Variants in MYZAP observed in about 807,000 individuals in gnomAD.
MYZAP encodes GRINL1A complex locus upstream.
Under a neutral mutation model 69.4 loss-of-function variants are expected in MYZAP, and 66 were observed. The observed-to-expected ratio is 0.95, with a 90% confidence interval of 0.78 to 1.17. MYZAP has a LOEUF of 1.17. Ranked by LOEUF, MYZAP falls within the 50% of genes most tolerant of loss-of-function variation. MYZAP has a pLI of 0.00. For synonymous variants in MYZAP, 256 were observed against 205.9 expected (o/e 1.24, Z -2.09); for missense variants, 611 against 556.2 (o/e 1.10, Z -0.99).
chr15:57,594,500 T>C (rs1335768019), intron 1 of MYZAP, among the ~76,000 whole-genome samples: 1 of 152,144 alleles, frequency 6.6e-6, no homozygotes, highest in Non-Finnish European at 1.5e-5. Context: ...AAGGAGGAAA[T>C]AACCATCTCA....
In MYZAP at chr15:57,618,037, T is replaced by C. The variant is rs1198795018; in HGVS notation, c.167T>C (p.Leu56Pro). The C allele has an allele frequency of 6.2e-6, 10 of 1,611,398 alleles. No homozygotes were observed. Among genetic ancestry groups the C allele is most frequent in the Non-Finnish European group, 8.5e-6 (10 of 1,179,470 alleles). The change falls in exon 3 of 13, where the codon CTT (leucine) becomes CCT (proline). Residue 56 changes from leucine to proline, a missense_variant. By Grantham distance (98) the Leu-to-Pro change is moderately conservative (BLOSUM62 -3). Transcript: ENST00000267853. Reference sequence around the variant, plus strand: ...TCTTTTCCTACTTTCTTTTAGCTTCTTGACCTGAGCAATGGAGAACCTACC... The same window carrying C: ...TCTTTTCCTACTTTCTTTTAGCTTCCTGACCTGAGCAATGGAGAACCTACC... ...EKKIERKEQL[L>P]DLSNGEPTRK...
intron 2 of MYZAP, among the ~76,000 whole-genome samples, chr15:57,613,988 A>T (rs1367860775): frequency 6.6e-6 from 1 of 152,214 alleles, no homozygotes; most frequent in Non-Finnish European, 1.5e-5. Context: ...TCAACATATC[A>T]GCTTTTTTCT....
intron 2 of MYZAP, among the ~76,000 whole-genome samples, chr15:57,616,965 C>T (rs1033669384): frequency 6.6e-6 from 1 of 151,398 alleles, no homozygotes; most frequent in Non-Finnish European, 1.5e-5. Context: ...CCTGGGTCAG[C>T]CCTAGGGAAA....
intron 3 of MYZAP, among the ~76,000 whole-genome samples, chr15:57,620,285 T>G (rs1401747016): frequency 6.6e-6 from 1 of 152,210 alleles, no homozygotes; most frequent in Non-Finnish European, 1.5e-5. Flanking sequence ...ATAAACATGC[T>G]GTCTATTTTA....
chr15:57,593,214 A>ACACACACACACACCC (rs1172761785), intron 1 of MYZAP, among the ~76,000 whole-genome samples: 3 of 141,436 alleles, frequency 2.1e-5, no homozygotes, highest in African/African-American at 8.4e-5. Flanking sequence ...ACACACACAC[A>ACACACACACACACCC]CCCCAGAATC....
Position 57,611,228 on chromosome 15 carries a change from A to G in MYZAP, c.163-6805A>G, listed in dbSNP as rs536458146. ...CCTGAAGCTCTTTAAAGTACAGAAA[A>G]TAACTTTCTTAGGGGCACACAGCTA... On this transcript the variant is annotated intron_variant, in intron 2 of 12. Transcript: ENST00000267853. 3.9e-5 allele frequency among the ~76,000 whole-genome samples: 6 copies of G among 152,272 alleles called. No individual in the cohort carries two copies. The East Asian group carries it at 9.7e-4, about 25-fold the overall frequency.
At chr15:57,615,858 G>C (rs2140372609) in intron 2 of MYZAP, among the ~76,000 whole-genome samples, 1 of 152,286 alleles carries the variant, frequency 6.6e-6, no homozygotes, top group African/African-American at 2.4e-5. Flanking sequence ...AGGAATCACA[G>C]CTTCTTGCAT....
At chr15:57,603,250 TCTC>T (rs1219403879) in intron 1 of MYZAP, among the ~76,000 whole-genome samples, 2 of 152,154 alleles carry the variant, frequency 1.3e-5, no homozygotes, top group Non-Finnish European at 2.9e-5. Context: ...TATATTTTCT[TCTC>T]CTAAGCCTTT....
At chr15:57,657,299 T>C (rs1457463111) in intron 10 of MYZAP, among the ~76,000 whole-genome samples, 5 of 152,184 alleles carry the variant, frequency 3.3e-5, no homozygotes, top group African/African-American at 1.2e-4. Context: ...TTAAAGATTT[T>C]AAAAGTTAAC....
intron 10 of MYZAP, chr15:57,647,405 G>A (rs2037497205): frequency 1.0e-6 from 1 of 985,206 alleles, no homozygotes; most frequent in African/African-American, 1.7e-5. Flanking sequence ...CTGTTTTTTA[G>A]GGACGCCTTT....
At chr15:57,663,679 G>C (rs1181684717) in intron 11 of MYZAP, among the ~76,000 whole-genome samples, 1 of 152,222 alleles carries the variant, frequency 6.6e-6, no homozygotes, top group Non-Finnish European at 1.5e-5. Context: ...GGCAGAGCCA[G>C]TTAGACTCTG....
intron 5 of MYZAP, among the ~76,000 whole-genome samples, chr15:57,626,275 A>T (rs1027115341): frequency 3.3e-5 from 5 of 152,200 alleles, no homozygotes; most frequent in Non-Finnish European, 1.5e-5. Flanking sequence ...TTCACTAAGG[A>T]CAATCTGTAC....
At chr15:57,662,236 G>C (rs1418188017) in intron 11 of MYZAP, among the ~76,000 whole-genome samples, 4 of 152,214 alleles carry the variant, frequency 2.6e-5, no homozygotes, top group African/African-American at 9.6e-5. Flanking sequence ...CTTTATTAGA[G>C]CTTGGCATTG....
At chr15:57,684,192 A>G (rs7172368) in intron 12 of MYZAP, among the ~76,000 whole-genome samples, 2 of 152,100 alleles carry the variant, frequency 1.3e-5, no homozygotes, top group Admixed American at 6.5e-5. Context: ...ACATCACCTT[A>G]GGGGTTAGGA....
intron 5 of MYZAP, among the ~76,000 whole-genome samples, chr15:57,628,202 T>G (rs1160208104): frequency 6.6e-6 from 1 of 152,200 alleles, no homozygotes. Context: ...TGGAGGCCAT[T>G]TATCTCTAAG....
chr15:57,618,054 G>C lies in MYZAP; in HGVS notation c.184G>C (p.Glu62Gln), dbSNP rs2035585145. The C allele has an allele frequency of 6.2e-7, 1 of 1,613,682 alleles. No homozygotes were observed. Among genetic ancestry groups the C allele is most frequent in the African/African-American group, 1.3e-5 (1 of 74,900 alleles). ...TTAGCTTCTTGACCTGAGCAATGGA[G>C]AACCTACCAGGAAACTTCCTCAGGG... ...KEQLLDLSNG[E>Q]PTRKLPQGVV... The change falls in exon 3 of 13, where the codon GAA (glutamate) becomes CAA (glutamine). Residue 62 changes from glutamate (E) to glutamine (Q), a missense_variant. Glu to Gln is a conservative substitution (Grantham distance 29). Transcript: ENST00000267853.
chr15:57,611,673 T>C (rs753132749), intron 2 of MYZAP, among the ~76,000 whole-genome samples: 2 of 152,228 alleles, frequency 1.3e-5, no homozygotes, highest in African/African-American at 4.8e-5. Context: ...TCTTTTCTCC[T>C]GAGTTTACTT....
At chr15:57,599,858 C>G (rs1464341952) in intron 1 of MYZAP, among the ~76,000 whole-genome samples, 1 of 152,146 alleles carries the variant, frequency 6.6e-6, no homozygotes, top group African/African-American at 2.4e-5. Flanking sequence ...TTCAGAGTAC[C>G]TTTTAGACCT....
chr15:57,644,287 T>C (rs76282989), intron 10 of MYZAP, among the ~76,000 whole-genome samples: 311 of 152,096 alleles, frequency 2.0e-3, no homozygotes, highest in Non-Finnish European at 4.0e-3. Flanking sequence ...TAGGAAGGGC[T>C]CAACAGAAAG....
Sources: gnomAD v4.1 joint callset for allele counts (sites outside exome capture counted in the v4.1 genomes callset) on GRCh38, gnomAD v4.1.1 for gene constraint, MANE v1.5 for transcripts, NCBI Gene and HGNC (gene_info 2026-07-23, HGNC 2026-07-21) for gene names.